Variants in ASXL2 observed in about 807,000 individuals in gnomAD.
The protein encoded by ASXL2 is putative Polycomb group protein ASXL2.
In ASXL2, 23 loss-of-function variants were observed where a neutral mutation model predicts 122.0. That is an observed-to-expected ratio of 0.19 (90% confidence interval 0.14 to 0.27). ASXL2 has a LOEUF of 0.27. Ranked by LOEUF, ASXL2 falls within the 10% of genes least tolerant of loss-of-function variation. The pLI is 1.00. For missense variants in ASXL2, 1,518 were observed against 1,713.8 expected, an observed-to-expected ratio of 0.89 and a Z score of 2.02; for synonymous variants, 650 against 637.0, an observed-to-expected ratio of 1.02 and a Z score of -0.31.
Position 25,799,452 on chromosome 2 carries a change from C to G in ASXL2, c.336G>C (p.Glu112Asp). The G allele has an allele frequency of 3.7e-6, 6 of 1,613,994 alleles. No homozygotes were observed. Among genetic ancestry groups the G allele is most frequent in the Non-Finnish European group, 4.2e-6 (5 of 1,179,892 alleles). Residue 112 changes from glutamate to aspartate, a missense_variant, in exon 5 of 13, where the codon GAG (glutamate) becomes GAC (aspartate). Glu to Asp is a conservative substitution (Grantham distance 45). Coordinates refer to ENST00000435504, the MANE Select transcript of ASXL2 (RefSeq NM_018263.6). ...SDGQSDSQSS[E>D]NSSSSSDGGS... The stretch of plus-strand genomic sequence containing the variant: ...CACCATCACTGCTGCTGCTGCTGTT[C>G]TCAGAACTCTGGGAATCTGACTGAC...
At chr2:25,875,874 CTTTCA>C (rs1302586052) in intron 1 of ASXL2, among the ~76,000 whole-genome samples, 1 of 152,120 alleles carries the variant, frequency 6.6e-6, no homozygotes, top group East Asian at 1.9e-4. Flanking sequence ...GTCAAAGTTA[CTTTCA>C]TTTGTCAACT....
At chr2:25,804,029 A>T (rs575711186) in intron 4 of ASXL2, among the ~76,000 whole-genome samples, 39 of 152,286 alleles carry the variant, frequency 2.6e-4, no homozygotes, top group African/African-American at 9.1e-4. Flanking sequence ...GCATTTAATA[A>T]ATTTTTTAAA....
In ASXL2 at chr2:25,744,477, C is replaced by G. The variant is rs1225059904; in HGVS notation, c.1861-1G>C. On this transcript the variant is annotated splice_acceptor_variant, in intron 12 of 12. Transcript: ENST00000435504. LOFTEE classifies it high-confidence loss of function. This position sits in a 1 kb window ranked among gnomAD's most constrained non-coding sequence, Gnocchi z 4.7. ...TGGGGGAGATTCTGGAGACCGGGAT[C>G]TGAAAGAAGTAGAGGGGAAAAAAAC... 1 of 1,588,686 alleles carries G rather than the reference C, an allele frequency of 6.3e-7. No homozygotes were observed. Among genetic ancestry groups the G allele is most frequent in the South Asian group, 1.1e-5 (1 of 88,678 alleles).
chr2:25,755,190 A>G (rs1304499655), intron 10 of ASXL2, among the ~76,000 whole-genome samples: 1 of 152,248 alleles, frequency 6.6e-6, no homozygotes, highest in Non-Finnish European at 1.5e-5. Context: ...GGTTTTACTT[A>G]TGTCTGCATA....
intron 1 of ASXL2, among the ~76,000 whole-genome samples, chr2:25,863,394 C>T (rs920653306): frequency 6.8e-5 from 10 of 147,558 alleles, no homozygotes; most frequent in African/African-American, 2.5e-4. Flanking sequence ...TTCTCTGGAA[C>T]TTAAAATAAA....
At chr2:25,813,832 T>C (rs1259247695) in intron 3 of ASXL2, among the ~76,000 whole-genome samples, 1 of 152,108 alleles carries the variant, frequency 6.6e-6, no homozygotes, top group Admixed American at 6.5e-5. Flanking sequence ...AGGCGGATCA[T>C]GAGGTCAGGA....
intron 1 of ASXL2, among the ~76,000 whole-genome samples, chr2:25,857,241 C>T (rs975520207): frequency 1.3e-5 from 2 of 152,048 alleles, no homozygotes; most frequent in Non-Finnish European, 2.9e-5. Context: ...AAAAAGCACA[C>T]CCTATTCTTG....
intron 5 of ASXL2, among the ~76,000 whole-genome samples, chr2:25,777,156 G>A (rs1005043787): frequency 2.6e-4 from 39 of 151,980 alleles, no homozygotes; most frequent in African/African-American, 7.3e-5. Flanking sequence ...TGACATGATC[G>A]CACCCCACTG....
intron 12 of ASXL2, 38 bp downstream of exon 12, chr2:25,749,658 G>A (rs1264993174): frequency 1.6e-5 from 24 of 1,459,466 alleles, no homozygotes; most frequent in Non-Finnish European, 2.0e-5. Context: ...ATAGGGTTCA[G>A]ACGATCTCTG....
intron 1 of ASXL2, among the ~76,000 whole-genome samples, chr2:25,848,348 C>T (rs1015038740): frequency 3.3e-5 from 5 of 151,990 alleles, no homozygotes; most frequent in African/African-American, 9.7e-5. Flanking sequence ...ACCGGCTGGG[C>T]GCGGTGGCTC....
chr2:25,873,201 T>C (rs924955228), intron 1 of ASXL2, among the ~76,000 whole-genome samples: 5 of 152,126 alleles, frequency 3.3e-5, no homozygotes, highest in Non-Finnish European at 5.9e-5. Context: ...ATGCCAATGC[T>C]TTCTCACTAA....
chr2:25,868,071 G>T (rs1387547411), intron 1 of ASXL2, among the ~76,000 whole-genome samples: 2 of 152,166 alleles, frequency 1.3e-5, no homozygotes, highest in Non-Finnish European at 1.5e-5. Flanking sequence ...TGTGGGTACA[G>T]GTTAGCTGGG....
At chr2:25,855,380 T>C (rs1216906750) in intron 1 of ASXL2, among the ~76,000 whole-genome samples, 1 of 152,068 alleles carries the variant, frequency 6.6e-6, no homozygotes. Context: ...ACTCTATCCC[T>C]ACTAAAAATA....
intron 3 of ASXL2, among the ~76,000 whole-genome samples, chr2:25,819,938 C>T (rs561849084): frequency 1.3e-5 from 2 of 152,242 alleles, no homozygotes; most frequent in East Asian, 3.9e-4. Context: ...TAGACAGGAT[C>T]TTGCTCTGTC....
At position 25,749,884 on chromosome 2, in the gene ASXL2, G is replaced by C. The variant is rs369128452; in HGVS notation, c.1672C>G (p.Leu558Val). 13 of 1,611,326 alleles carry C rather than the reference G, an allele frequency of 8.1e-6. No homozygotes were observed. The highest frequency in any genetic ancestry group is 1.6e-4 in the Middle Eastern group (1 of 6,066). Reference sequence around the variant, plus strand: ...AGGCTTTCTGGGCTCTGATCAACAAGAGTTGCTAGAGGTTCTTTCATATTA... The same window carrying C: ...AGGCTTTCTGGGCTCTGATCAACAACAGTTGCTAGAGGTTCTTTCATATTA... The part of the protein sequence containing the change: ...ETNMKEPLAT[L>V]VDQSPESLKR... Residue 558 changes from leucine to valine, a missense_variant, in exon 12 of 13, where the codon CTT (leucine) becomes GTT (valine). Leu to Val is a conservative substitution (Grantham distance 32). Around this residue, in one of 8 missense-constraint regions of ASXL2, gnomAD observed 292 missense variants for 293.5 expected, o/e 1.00. Transcript: ENST00000435504.
At chr2:25,788,100 C>T (rs1009926849) in intron 5 of ASXL2, among the ~76,000 whole-genome samples, 9 of 152,116 alleles carry the variant, frequency 5.9e-5, no homozygotes, top group Admixed American at 3.3e-4. Context: ...ACAGAGAACA[C>T]TGCAATAAAG....
chr2:25,743,028 G>A lies in ASXL2; in HGVS notation c.3309C>T (p.Ser1103=), dbSNP rs2149136230. ...CAGCAAAACCCAGCATGAACCTCTG[G>A]CTTGTGGAGATGTCTTCCAGCTGGA... The part of the protein sequence containing the change: ...SGFQLEDIST[S]QRFMLGFAGR... Residue 1103 remains serine, a synonymous_variant, in exon 13 of 13, where the codon AGC becomes AGT. Transcript: ENST00000435504. The A allele has an allele frequency of 1.2e-6, 2 of 1,614,004 alleles. No individual in the cohort carries two copies. Among genetic ancestry groups the A allele is most frequent in the South Asian group, 1.1e-5 (1 of 91,084 alleles).
At chr2:25,875,369 A>T (rs1050830393) in intron 1 of ASXL2, among the ~76,000 whole-genome samples, 2 of 152,142 alleles carry the variant, frequency 1.3e-5, no homozygotes, top group Admixed American at 1.3e-4. Flanking sequence ...TTGGGAAGCT[A>T]GGACAGGATG....
chr2:25,858,681 C>T (rs2089809786), intron 1 of ASXL2, among the ~76,000 whole-genome samples: 1 of 150,088 alleles, frequency 6.7e-6, no homozygotes, highest in Non-Finnish European at 1.5e-5. Flanking sequence ...TGAGATCACG[C>T]CACTGTACTC....
Sources: gnomAD v4.1 joint callset for allele counts (sites outside exome capture counted in the v4.1 genomes callset) on GRCh38, gnomAD v4.1.1 for gene constraint, gnomAD v4.1.1 regional missense constraint, Gnocchi (gnomAD v3.1) non-coding constraint, MANE v1.5 for transcripts, NCBI Gene and HGNC (gene_info 2026-07-23, HGNC 2026-07-21) for gene names.